The following CTNND2 variants were observed in gnomAD, a reference collection of about 807,000 sequenced individuals.
CTNND2 encodes catenin delta 2.
A neutral mutation model predicts 144.4 loss-of-function variants in CTNND2; 22 were observed. That is an observed-to-expected ratio of 0.15 (90% CI 0.11 to 0.22). The LOEUF is 0.22. Ranked by LOEUF, CTNND2 falls within the 10% of genes least tolerant of loss-of-function variation. CTNND2 has a pLI of 1.00. For synonymous variants in CTNND2, 751 were observed against 695.6 expected, an observed-to-expected ratio of 1.08 and a Z score of -1.25; for missense variants, 1,353 against 1,618.8, an observed-to-expected ratio of 0.84 and a Z score of 2.82.
At chr5:11,868,630 T>C (rs1795886890) in intron 1 of CTNND2, among the ~76,000 whole-genome samples, 2 of 152,200 alleles carry the variant, frequency 1.3e-5, no homozygotes, top group Admixed American at 6.5e-5. Flanking sequence ...TACTGAGAGA[T>C]AGGGCCTTTA....
At chr5:11,092,193 C>T (rs894736186) in intron 15 of CTNND2, among the ~76,000 whole-genome samples, 19 of 152,308 alleles carry the variant, frequency 1.2e-4, no homozygotes, top group Middle Eastern at 3.4e-3. Flanking sequence ...CTAAAAAACC[C>T]CAATGTTTCA....
At chr5:11,709,829 G>A (rs192472492) in intron 2 of CTNND2, among the ~76,000 whole-genome samples, 306 of 152,150 alleles carry the variant, frequency 2.0e-3, no homozygotes, top group African/African-American at 6.8e-3. Context: ...CTAAATTATC[G>A]TATAGTGAAA....
chr5:11,744,230 G>T (rs577192966), intron 1 of CTNND2, among the ~76,000 whole-genome samples: 2 of 152,296 alleles, frequency 1.3e-5, no homozygotes. Context: ...TATTGAAAAG[G>T]TAGTGCTTTT....
chr5:11,528,184 A>T (rs887105026), intron 3 of CTNND2, among the ~76,000 whole-genome samples: 1 of 152,194 alleles, frequency 6.6e-6, no homozygotes, highest in Non-Finnish European at 1.5e-5. Flanking sequence ...CTGCAGTTGT[A>T]CTTGGTGTCA....
intron 1 of CTNND2, among the ~76,000 whole-genome samples, chr5:11,806,719 A>C (rs1243410659): frequency 1.3e-5 from 2 of 152,158 alleles, no homozygotes; most frequent in Non-Finnish European, 2.9e-5. Context: ...GAAATCTAAA[A>C]AGTTAATATA....
At chr5:11,345,323 T>C (rs1021220792) in intron 9 of CTNND2, among the ~76,000 whole-genome samples, 1 of 152,206 alleles carries the variant, frequency 6.6e-6, no homozygotes, top group Admixed American at 6.5e-5. Flanking sequence ...TAAGCACTTA[T>C]TACAATTCAC....
intron 15 of CTNND2, among the ~76,000 whole-genome samples, chr5:11,089,265 C>G (rs548419130): frequency 7.4e-5 from 11 of 148,162 alleles, no homozygotes; most frequent in Admixed American, 7.3e-4. Context: ...CTCCTAAATA[C>G]TATGCTAGTG....
rs61752675 is a variant in CTNND2 at position 10,979,233 on chromosome 5, T to G, written c.3417+2540A>C. ...TTTGCTGCAAGAAGCATGATTGATT[T>G]CCATAAATGAAGTTGGCATTTCTAA... On this transcript the variant is annotated intron_variant, in intron 21 of 21. Coordinates refer to ENST00000304623, the MANE Select transcript of CTNND2 (RefSeq NM_001332.4). Among the ~76,000 whole-genome samples, 1,163 of 152,368 alleles carry G rather than the reference T, an allele frequency of 7.6e-3. 18 individuals are homozygous for G. Among genetic ancestry groups the G allele is most frequent in the African/African-American group, 0.026 (1,086 of 41,596 alleles).
intron 9 of CTNND2, among the ~76,000 whole-genome samples, chr5:11,338,150 AG>A (rs1485591951): frequency 6.6e-6 from 1 of 152,190 alleles, no homozygotes; most frequent in African/African-American, 2.4e-5. Flanking sequence ...GGTGTGTAGC[AG>A]GGGTGTTAGG....
intron 3 of CTNND2, among the ~76,000 whole-genome samples, chr5:11,456,183 G>C (rs1765717556): frequency 6.6e-6 from 1 of 152,152 alleles, no homozygotes; most frequent in Non-Finnish European, 1.5e-5. Flanking sequence ...CTGGGCAATA[G>C]ATTGTTATGG....
chr5:11,098,246 T>C (rs1751550699), intron 15 of CTNND2, among the ~76,000 whole-genome samples: 1 of 152,136 alleles, frequency 6.6e-6, no homozygotes, highest in African/African-American at 2.4e-5. Context: ...TGATAGTGCT[T>C]TGAAAAAATA....
At chr5:11,020,941 AG>A (rs2149536592) in intron 17 of CTNND2, among the ~76,000 whole-genome samples, 1 of 152,312 alleles carries the variant, frequency 6.6e-6, no homozygotes, top group South Asian at 2.1e-4. Context: ...GCCAAATTAA[AG>A]GGCATTTATG....
chr5:11,533,154 A>G (rs1487266393), intron 3 of CTNND2, among the ~76,000 whole-genome samples: 2 of 152,244 alleles, frequency 1.3e-5, no homozygotes, highest in Non-Finnish European at 2.9e-5. Context: ...ATTCATATGC[A>G]TAAAAGGTCA....
intron 1 of CTNND2, among the ~76,000 whole-genome samples, chr5:11,891,352 C>T (rs1736944129): frequency 6.6e-6 from 1 of 152,170 alleles, no homozygotes; most frequent in Non-Finnish European, 1.5e-5. Context: ...GGGAGTAATT[C>T]AATACCAAAG....
intron 15 of CTNND2, among the ~76,000 whole-genome samples, chr5:11,096,777 GA>G (rs1409761814): frequency 6.6e-6 from 1 of 150,850 alleles, no homozygotes; most frequent in Non-Finnish European, 1.5e-5. Context: ...GAGAGAGACA[GA>G]GGGAGGGAGG....
chr5:11,120,136 A>C (rs1485597040), intron 12 of CTNND2, among the ~76,000 whole-genome samples: 1 of 152,222 alleles, frequency 6.6e-6, no homozygotes, highest in Non-Finnish European at 1.5e-5. Context: ...ACAATGTGTA[A>C]GATATTGAAA....
rs139040466 is a variant in CTNND2 at position 11,680,012 on chromosome 5, G to A, written c.174+52124C>T. The stretch of plus-strand genomic sequence containing the variant: ...CTTATCCTGGGAGACTAGAGATTAT[G>A]TTTCTCGAGAAAGGGACTTTGGAAG... On this transcript the variant is annotated intron_variant, in intron 2 of 21. Transcript: ENST00000304623. 2.7e-3 allele frequency among the ~76,000 whole-genome samples: 411 copies of A among 152,278 alleles called. 3 individuals are homozygous for A. The highest frequency in any genetic ancestry group is 9.5e-3 in the African/African-American group (394 of 41,548).
chr5:11,732,142 T>G lies in CTNND2; in HGVS notation c.168A>C (p.Lys56Asn). ...AAAATGGGAATGTTTCTACCTGTTC[T>G]TTGACTGAGGCGAGGATGGCAGAGG... ...ETTSAILASV[K>N]EQELQFERLT... The change falls in exon 2 of 22, where the codon AAA (lysine) becomes AAC (asparagine). Residue 56 changes from lysine (K) to asparagine (N), a missense_variant. Physicochemically the swap from Lys to Asn is moderately conservative, Grantham distance 94. Around this residue, in one of 4 missense-constraint regions of CTNND2, gnomAD observed 708 missense variants for 706.4 expected, o/e 1.00. Transcript: ENST00000304623. The G allele has an allele frequency of 6.2e-7, 1 of 1,613,392 alleles. No homozygotes were observed. The highest frequency in any genetic ancestry group is 8.5e-7 in the Non-Finnish European group (1 of 1,179,460).
At chr5:11,088,165 G>A (rs528110360) in intron 15 of CTNND2, among the ~76,000 whole-genome samples, 18 of 152,290 alleles carry the variant, frequency 1.2e-4, no homozygotes, top group South Asian at 6.2e-4. Context: ...GCCTTCTGGG[G>A]AACTAAATAC....
Sources: gnomAD v4.1 joint callset for allele counts (sites outside exome capture counted in the v4.1 genomes callset) on GRCh38, gnomAD v4.1.1 for gene constraint, gnomAD v4.1.1 regional missense constraint, MANE v1.5 for transcripts, NCBI Gene and HGNC (gene_info 2026-07-23, HGNC 2026-07-21) for gene names.